The following NFIB variants were observed in gnomAD, a reference collection of about 807,000 sequenced individuals.
NFIB encodes nuclear factor 1 B-type.
In NFIB, 11 loss-of-function variants were observed where a neutral mutation model predicts 61.5. The ratio of observed to expected loss-of-function variants is 0.18; its 90% CI spans 0.11 to 0.30. The LOEUF (loss-of-function observed/expected upper bound fraction) is 0.30, where lower values mean the gene tolerates loss of function less well. NFIB is among the 10% of genes least tolerant of loss of function. NFIB has a pLI of 1.00. For missense variants in NFIB, 471 were observed against 608.9 expected (o/e 0.77, Z 2.38); for synonymous variants, 260 against 216.5 (o/e 1.20, Z -1.76).
At chr9:14,531,018 T>G in the NFIB span, among the ~76,000 whole-genome samples, 1 of 152,228 alleles carries the variant, frequency 6.6e-6, no homozygotes, top group Admixed American at 6.5e-5. Flanking sequence ...GGGTTCCCCA[T>G]TCTTGTCACG....
chr9:14,372,115 T>G (rs1055960562), intron 1 of NFIB, among the ~76,000 whole-genome samples: 1 of 152,056 alleles, frequency 6.6e-6, no homozygotes, highest in African/African-American at 2.4e-5. Context: ...AAAACTGTTT[T>G]TTTTTTCAAA....
intron 2 of NFIB, among the ~76,000 whole-genome samples, chr9:14,298,898 C>G (rs1180408741): frequency 6.6e-6 from 1 of 152,182 alleles, no homozygotes; most frequent in Non-Finnish European, 1.5e-5. Context: ...CAAGTTGCAT[C>G]AGGTAGCAGG....
At chr9:14,272,692 CAAAAAAAA>C (rs61391471) in intron 2 of NFIB, among the ~76,000 whole-genome samples, 3 of 67,202 alleles carry the variant, frequency 4.5e-5, no homozygotes, top group Middle Eastern at 9.1e-3. Context: ...TCAATTCTCG[CAAAAAAAA>C]AAAAAAAAAA....
intron 2 of NFIB, among the ~76,000 whole-genome samples, chr9:14,302,580 C>T (rs1476985273): frequency 2.6e-5 from 4 of 152,184 alleles, no homozygotes; most frequent in African/African-American, 9.6e-5. Context: ...GTGCAAAGTA[C>T]AGTCCAAAAA....
At chr9:14,315,272 G>C (rs889988999), upstream of NFIB, among the ~76,000 whole-genome samples, 2 of 151,506 alleles carry the variant, frequency 1.3e-5, no homozygotes, top group Non-Finnish European at 3.0e-5. Flanking sequence ...GTCGCGGCGC[G>C]CGGCGCTTCG....
At chr9:14,426,310 G>T in the NFIB span, among the ~76,000 whole-genome samples, 1 of 152,154 alleles carries the variant, frequency 6.6e-6, no homozygotes, top group Non-Finnish European at 1.5e-5. Flanking sequence ...CCAGATGCAG[G>T]TGGCATGGCT....
intron 1 of NFIB, among the ~76,000 whole-genome samples, chr9:14,335,627 CA>C (rs2060877893): frequency 6.6e-6 from 1 of 152,146 alleles, no homozygotes; most frequent in Non-Finnish European, 1.5e-5. Flanking sequence ...TTTTCTGCCA[CA>C]CTGTGGTTTT....
intron 1 of NFIB, among the ~76,000 whole-genome samples, chr9:14,337,663 C>T (rs1316845638): frequency 1.3e-5 from 2 of 152,236 alleles, no homozygotes; most frequent in East Asian, 1.9e-4. Context: ...GCGGGGGACA[C>T]ATGCCCAGGC....
intron 2 of NFIB, among the ~76,000 whole-genome samples, chr9:14,239,571 C>A (rs1422558805): frequency 6.6e-6 from 1 of 152,036 alleles, no homozygotes; most frequent in African/African-American, 2.4e-5. Context: ...AAGAAAACAA[C>A]ATTTAAATAA....
chr9:14,176,884 TG>T (rs1587340626), intron 3 of NFIB, among the ~76,000 whole-genome samples: 2 of 152,236 alleles, frequency 1.3e-5, no homozygotes, highest in East Asian at 3.9e-4. Context: ...AAGTCAACAG[TG>T]GGGAACAGAT....
intron 2 of NFIB, among the ~76,000 whole-genome samples, chr9:14,251,821 A>C (rs961309740): frequency 6.6e-6 from 1 of 152,212 alleles, no homozygotes; most frequent in Admixed American, 6.5e-5. Flanking sequence ...AGAACAAAAC[A>C]AACAGGTCCA....
intron 1 of NFIB, among the ~76,000 whole-genome samples, chr9:14,332,562 G>T (rs1404013227): frequency 6.6e-6 from 1 of 152,176 alleles, no homozygotes; most frequent in Non-Finnish European, 1.5e-5. Flanking sequence ...CTGTGCTCAA[G>T]TTGAGACGGG....
intron 6 of NFIB, among the ~76,000 whole-genome samples, chr9:14,126,080 A>G (rs1274004101): frequency 6.6e-6 from 1 of 152,168 alleles, no homozygotes; most frequent in East Asian, 1.9e-4. Context: ...GGCCTTCTTT[A>G]CCTCAGTATT....
rs567338270 is a variant in NFIB, at chr9:14,176,462, G to A, written c.616+3265C>T. The stretch of plus-strand genomic sequence containing the variant: ...AGATTACGGTGCCCACCCCTGCCAC[G>A]TAACAAAGAATGCAAACAAAACATT... On this transcript the variant is annotated intron_variant, in intron 3 of 10. Coordinates refer to ENST00000380953, the MANE Select transcript of NFIB (RefSeq NM_001190737.2). Among the ~76,000 whole-genome samples, 5 of 152,048 alleles carry A rather than the reference G, an allele frequency of 3.3e-5. No individual in the cohort carries two copies. In the East Asian group the frequency reaches 5.8e-4, roughly 18 times the overall value.
At chr9:14,213,957 A>G (rs2131747417) in intron 2 of NFIB, among the ~76,000 whole-genome samples, 1 of 152,090 alleles carries the variant, frequency 6.6e-6, no homozygotes, top group African/African-American at 2.4e-5. Flanking sequence ...TTAAGGGGGG[A>G]AGAGTCCCCT....
chr9:14,123,292 A>C (rs941300958), intron 7 of NFIB, among the ~76,000 whole-genome samples: 2 of 152,050 alleles, frequency 1.3e-5, no homozygotes, highest in African/African-American at 4.8e-5. Context: ...TAAGAAAAGT[A>C]AAATACAAGA....
chr9:14,220,904 C>T (rs1216819521), intron 2 of NFIB, among the ~76,000 whole-genome samples: 1 of 146,840 alleles, frequency 6.8e-6, no homozygotes, highest in Admixed American at 6.9e-5. Context: ...CATCTTCTTC[C>T]TATTCCTCTC....
chr9:14,136,372 T>C (rs1262324624), intron 6 of NFIB, among the ~76,000 whole-genome samples: 2 of 152,142 alleles, frequency 1.3e-5, no homozygotes, highest in Non-Finnish European at 2.9e-5. Flanking sequence ...CTATTCACCA[T>C]GCCTCTCGGG....
Position 14,125,495 on chromosome 9 carries a change from C to T in NFIB, c.1060+137G>A, listed in dbSNP as rs759805961. On this transcript the variant is annotated intron_variant, in intron 7 of 10. Transcript: ENST00000380953. Reference sequence around the variant, plus strand: ...AAATTGAGAAGAAAAAATACTTGATCGGATTGTGCCCCTCACCATATGGGT... The same window carrying T: ...AAATTGAGAAGAAAAAATACTTGATTGGATTGTGCCCCTCACCATATGGGT... 1.5e-5 allele frequency: 18 copies of T among 1,209,546 alleles called. 1 individual carries two copies. The South Asian group carries it at 2.1e-4, about 14-fold the overall frequency. The allele number at this position is 1,209,546 out of a possible 1,614,324, so 74.9% of individuals were successfully genotyped here. A position where few individuals can be genotyped will look rare whatever the true frequency, so the allele number is the denominator to read the frequency against.
Sources: allele counts gnomAD v4.1 joint callset (sites outside exome capture counted in the v4.1 genomes callset), GRCh38; gene constraint gnomAD v4.1.1; transcripts MANE v1.5; gene names NCBI Gene and HGNC (gene_info 2026-07-23, HGNC 2026-07-21).